The following SHPRH variants were observed in gnomAD, a reference collection of about 807,000 sequenced individuals.
The protein encoded by SHPRH is E3 ubiquitin-protein ligase SHPRH.
Under a neutral mutation model 202.5 loss-of-function variants are expected in SHPRH, and 106 were observed. That is an observed-to-expected ratio of 0.52 (90% CI 0.45 to 0.62). The LOEUF is 0.62. SHPRH is among the 20% of genes least tolerant of loss of function. The probability of loss-of-function intolerance (pLI) is 0.00; values close to 1 mark genes in which losing one functional copy is unlikely to be tolerated. For synonymous variants in SHPRH, 729 were observed against 686.0 expected (o/e 1.06, Z -0.98); for missense variants, 1,710 against 2,020.0 (o/e 0.85, Z 2.94).
chr6:145,909,312 A>T (rs1194907993), intron 25 of SHPRH: 1 of 152,062 alleles, frequency 6.6e-6, no homozygotes, highest in Non-Finnish European at 1.5e-5. Flanking sequence ...ATTTATGTGT[A>T]TGCTGTGTCT....
At chr6:145,946,387 T>G in intron 6 of SHPRH, 46 bp from the exon 7 acceptor site, 1 of 1,392,500 alleles carries the variant, frequency 7.2e-7, no homozygotes, top group African/African-American at 1.5e-5. Context: ...TTGCTTTCAG[T>G]ATTCTGAATT....
At chr6:145,952,738 G>A (rs529913403) in intron 2 of SHPRH, among the ~76,000 whole-genome samples, 2 of 152,164 alleles carry the variant, frequency 1.3e-5, no homozygotes, top group Non-Finnish European at 2.9e-5. Flanking sequence ...CTGGGAGAAT[G>A]TGATAAGAAC....
chr6:145,881,320 C>T (rs1780557749), downstream of SHPRH, among the ~76,000 whole-genome samples: 1 of 152,184 alleles, frequency 6.6e-6, no homozygotes, highest in Admixed American at 6.5e-5. Flanking sequence ...CTTACAGTTC[C>T]TCATGGCTGG....
Position 145,955,086 on chromosome 6 carries a change from G to A in SHPRH, c.237C>T (p.Phe79=). ...DKKRCSKVVS[F]SKPIEKEETV... ...TCTCTTCTTTTTCAATTGGTTTTGA[G>A]AAGCTCACCACTTTTGAACACCTCT... Residue 79 remains phenylalanine, a synonymous_variant, in exon 2 of 30, where the codon TTC becomes TTT. Coordinates refer to ENST00000275233, the MANE Select transcript of SHPRH (RefSeq NM_001042683.3). 1 of 1,613,364 alleles carries A rather than the reference G, an allele frequency of 6.2e-7. No homozygotes were observed. Among genetic ancestry groups the A allele is most frequent in the Non-Finnish European group, 8.5e-7 (1 of 1,179,938 alleles).
In SHPRH at chr6:145,924,069, G is replaced by A. The variant is rs1026448622; in HGVS notation, c.3403-284C>T. Among the ~76,000 whole-genome samples the A allele has an allele frequency of 4.0e-5, 6 of 151,824 alleles. No homozygotes were observed. The East Asian group carries it at 9.7e-4, about 25-fold the overall frequency. On this transcript the variant is annotated intron_variant, in intron 17 of 29. Coordinates refer to ENST00000275233, the MANE Select transcript of SHPRH (RefSeq NM_001042683.3). ...AGCTGTAACTAAAAAAACTGTTTACGCCAAATGAAAATTCAATACTCAATC... is the reference window on the plus strand; with the variant it reads ...AGCTGTAACTAAAAAAACTGTTTACACCAAATGAAAATTCAATACTCAATC...
At chr6:145,858,104 CT>C in the SHPRH span, among the ~76,000 whole-genome samples, 3 of 152,044 alleles carry the variant, frequency 2.0e-5, no homozygotes, top group Non-Finnish European at 4.4e-5. Flanking sequence ...AACATTCATA[CT>C]TTTTTGTGTG....
chr6:145,949,617 G>A (rs764004116), intron 4 of SHPRH, among the ~76,000 whole-genome samples: 36 of 151,940 alleles, frequency 2.4e-4, no homozygotes, highest in Non-Finnish European at 8.8e-5. Context: ...TTACATAGTG[G>A]GTACGATATA....
chr6:145,924,722 A>T lies in SHPRH; in HGVS notation c.3402+17T>A. 6.2e-7 allele frequency: 1 copy of T among 1,605,188 alleles called. No individual in the cohort carries two copies. Among genetic ancestry groups the T allele is most frequent in the Non-Finnish European group, 8.5e-7 (1 of 1,173,136 alleles). On this transcript the variant is annotated intron_variant, in intron 17 of 29. Transcript: ENST00000275233. ...CTGGAGGCAAATACAAGTAAGAAACACTGCATTTTGGCATACCTTTCTTTG... is the reference window on the plus strand; with the variant it reads ...CTGGAGGCAAATACAAGTAAGAAACTCTGCATTTTGGCATACCTTTCTTTG...
Position 145,888,000 on chromosome 6 carries a change from T to C in SHPRH, c.4955+20A>G. The C allele has an allele frequency of 6.3e-7, 1 of 1,576,100 alleles. No homozygotes were observed. The highest frequency in any genetic ancestry group is 8.7e-7 in the Non-Finnish European group (1 of 1,146,576). On this transcript the variant is annotated intron_variant, in intron 29 of 29. Transcript: ENST00000275233. Reference sequence around the variant, plus strand: ...ACAGGAAAACCTTCCCCCTTCTACTTGTGGTAAATTATTACCTACCTTCTC... The same window carrying C: ...ACAGGAAAACCTTCCCCCTTCTACTCGTGGTAAATTATTACCTACCTTCTC...
At chr6:145,920,553 T>C (rs540230808) in intron 21 of SHPRH, among the ~76,000 whole-genome samples, 29 of 137,406 alleles carry the variant, frequency 2.1e-4, no homozygotes, top group Non-Finnish European at 4.2e-4. Flanking sequence ...AAAAAAGAAA[T>C]TGAATAAAAA....
chr6:145,927,818 C>T (rs527763260), intron 14 of SHPRH, among the ~76,000 whole-genome samples: 21 of 152,040 alleles, frequency 1.4e-4, no homozygotes, highest in African/African-American at 4.8e-4. Context: ...AACTTCATGT[C>T]AGAAACTCAG....
At position 145,873,005 on chromosome 6, in the gene SHPRH, G is replaced by A. The variant is rs552496589; in HGVS notation, c.222-8514C>T. 7.9e-5 allele frequency among the ~76,000 whole-genome samples: 12 copies of A among 152,270 alleles called. No homozygotes were observed. The East Asian group carries it at 1.9e-3, about 24-fold the overall frequency. On this transcript the variant is annotated intron_variant, in intron 2 of 2. Coordinates refer to the SHPRH transcript ENST00000417762. ...TGATGAGAATACATGGACACATGGC[G>A]GGGAACAACACACACTAGGGTGTGT...
At chr6:145,943,905 C>CT in intron 8 of SHPRH, 103 bp from the exon 9 acceptor site, 1 of 1,077,390 alleles carries the variant, frequency 9.3e-7, no homozygotes, top group East Asian at 2.5e-5. Flanking sequence ...AGCAGCCAGT[C>CT]TTTGCTACCC....
At chr6:145,963,677 G>A (rs917548498) in intron 1 of SHPRH, 54 bp downstream of exon 1, 4 of 152,228 alleles carry the variant, frequency 2.6e-5, no homozygotes, top group Admixed American at 1.3e-4. Context: ...AAAGAAGGGA[G>A]GCGGCGACCC....
the SHPRH span, among the ~76,000 whole-genome samples, chr6:145,858,079 A>G: frequency 4.9e-4 from 74 of 152,264 alleles, 1 homozygote; most frequent in Admixed American, 3.7e-3. Context: ...GTTGGTGAGG[A>G]TGTGAAGAAA....
intron 24 of SHPRH, among the ~76,000 whole-genome samples, chr6:145,911,645 T>C (rs1783505965): frequency 6.6e-6 from 1 of 152,102 alleles, no homozygotes; most frequent in Non-Finnish European, 1.5e-5. Context: ...TGAGTGTCTT[T>C]TGAGTGACAA....
At chr6:145,880,828 G>A (rs1475623326), downstream of SHPRH, among the ~76,000 whole-genome samples, 2 of 151,964 alleles carry the variant, frequency 1.3e-5, no homozygotes, top group African/African-American at 2.4e-5. Context: ...AGGTTATGAA[G>A]AAATTGTATA....
chr6:145,918,312 T>C (rs1249501852), intron 22 of SHPRH, 80 bp from the exon 23 acceptor site: 2 of 876,894 alleles, frequency 2.3e-6, no homozygotes, highest in Non-Finnish European at 3.2e-6. Context: ...AATTCTCCAG[T>C]AATACAAATG....
chr6:145,880,508 A>G (rs1780511728), downstream of SHPRH, among the ~76,000 whole-genome samples: 1 of 152,074 alleles, frequency 6.6e-6, no homozygotes, highest in Admixed American at 6.6e-5. Flanking sequence ...ATGTGCCTGC[A>G]GTTCCAGATA....
Sources: gnomAD v4.1 joint callset for allele counts (sites outside exome capture counted in the v4.1 genomes callset) on GRCh38, gnomAD v4.1.1 for gene constraint, MANE v1.5 for transcripts, NCBI Gene and HGNC (gene_info 2026-07-23, HGNC 2026-07-21) for gene names.